Variants in UBE2Z observed in about 807,000 individuals in gnomAD.
UBE2Z encodes ubiquitin-conjugating enzyme E2 Z.
UBE2Z carries 10 observed loss-of-function variants against 32.6 expected under a neutral mutation model. The observed-to-expected ratio is 0.31, with a 90% confidence interval of 0.19 to 0.52. The LOEUF is 0.52. Ranked by LOEUF, UBE2Z falls within the 20% of genes least tolerant of loss-of-function variation. The pLI, the probability that UBE2Z is intolerant of heterozygous loss-of-function variation, is 0.97. For synonymous variants in UBE2Z, 183 were observed against 190.8 expected, an observed-to-expected ratio of 0.96 and a Z score of 0.34; for missense variants, 343 against 480.9, an observed-to-expected ratio of 0.71 and a Z score of 2.68.
At chr17:48,910,931 AG>A (rs1489835824) in intron 2 of UBE2Z, 51 bp downstream of exon 2, 21 of 1,436,144 alleles carry the variant, frequency 1.5e-5, no homozygotes, top group Non-Finnish European at 2.1e-5. Context: ...GGGGGCCATA[AG>A]GTTGCAAAAG....
In UBE2Z at chr17:48,928,171, C is replaced by T. The variant is rs939795734; in HGVS notation, c.*1037C>T. On this transcript the variant is annotated 3_prime_UTR_variant, in exon 7 of 7. Transcript: ENST00000360943. ...TTTGGGGAGCAAGGGTAGCCAATGG[C>T]AGAGGGGGTTGGGGCTGGGACTCTG... 2.6e-5 allele frequency: 4 copies of T among 152,194 alleles called. No individual in the cohort carries two copies. Among genetic ancestry groups the T allele is most frequent in the African/African-American group, 9.7e-5 (4 of 41,396 alleles). 9.4% of individuals were successfully genotyped at this position (152,194 alleles called of 1,614,324 possible). A position where few individuals can be genotyped will look rare whatever the true frequency, so the allele number is the denominator to read the frequency against.
rs370323738 is a variant in UBE2Z at position 48,927,136 on chromosome 17, C to T, written c.*2C>T. 1.3e-4 allele frequency: 208 copies of T among 1,613,386 alleles called. No individual in the cohort carries two copies. Among genetic ancestry groups the T allele is most frequent in the Non-Finnish European group, 1.7e-4 (195 of 1,179,706 alleles). The stretch of plus-strand genomic sequence containing the variant: ...CTTCATGGGAGCCTGAGGGTTTAGA[C>T]CCTGCTCCCATCTCCCCTTCCCCCA... On this transcript the variant is annotated 3_prime_UTR_variant, in exon 7 of 7. Coordinates refer to ENST00000360943, the MANE Select transcript of UBE2Z (RefSeq NM_023079.5).
chr17:48,917,155 A>G lies in UBE2Z; in HGVS notation c.690+968A>G, dbSNP rs534512406. On this transcript the variant is annotated intron_variant, in intron 4 of 6. Coordinates refer to ENST00000360943, the MANE Select transcript of UBE2Z (RefSeq NM_023079.5). The stretch of plus-strand genomic sequence containing the variant: ...CCCAGTCTGTACTAAAAATACAAAA[A>G]ATTAGCTGGGTGTGGTGGCAGGCGC... 3.5e-3 allele frequency among the ~76,000 whole-genome samples: 531 copies of G among 152,128 alleles called. 1 individual carries two copies. Among genetic ancestry groups the G allele is most frequent in the Middle Eastern group, 0.01 (3 of 294 alleles).
At chr17:48,914,889 C>T (rs978383359) in intron 3 of UBE2Z, among the ~76,000 whole-genome samples, 7 of 152,076 alleles carry the variant, frequency 4.6e-5, no homozygotes, top group Admixed American at 3.3e-4. Context: ...GGCATGGTGG[C>T]GCATGCCTCT....
intron 5 of UBE2Z, 68 bp from the exon 6 acceptor site, chr17:48,922,776 AAAG>A: frequency 7.9e-7 from 1 of 1,267,400 alleles, no homozygotes; most frequent in Non-Finnish European, 1.1e-6. Flanking sequence ...GAAAAAAAAA[AAAG>A]GTTAGGTAAG....
intron 1 of UBE2Z, among the ~76,000 whole-genome samples, chr17:48,909,405 T>A (rs1429647614): frequency 1.3e-5 from 2 of 152,060 alleles, no homozygotes; most frequent in East Asian, 3.9e-4. Flanking sequence ...CAATCTTTCC[T>A]TGAACCCCTT....
intron 1 of UBE2Z, 101 bp downstream of exon 1, chr17:48,908,921 G>C (rs1408077089): frequency 3.2e-6 from 3 of 945,106 alleles, no homozygotes; most frequent in East Asian, 8.2e-5. Flanking sequence ...CCACTGCGCT[G>C]CCCTCGCGGC....
rs777877098 is a variant in UBE2Z at position 48,922,826 on chromosome 17, A to G, written c.804-21A>G. 6.9e-6 allele frequency: 11 copies of G among 1,602,620 alleles called. No homozygotes were observed. The African/African-American group carries it at 1.1e-4, about 16-fold the overall frequency. ...CTGTACCCCTGGGTTTCTCACTTACACTTTTCTGCTTGTTTTCCAGAGGGG... is the reference window on the plus strand; with the variant it reads ...CTGTACCCCTGGGTTTCTCACTTACGCTTTTCTGCTTGTTTTCCAGAGGGG... On this transcript the variant is annotated intron_variant, in intron 5 of 6. Transcript: ENST00000360943.
intron 4 of UBE2Z, among the ~76,000 whole-genome samples, chr17:48,918,631 C>T (rs2040737236): frequency 6.6e-6 from 1 of 152,108 alleles, no homozygotes; most frequent in Admixed American, 6.6e-5. Context: ...CAGAGTCTGG[C>T]CTCAAAAGTT....
chr17:48,916,352 T>C (rs916707331), intron 4 of UBE2Z, among the ~76,000 whole-genome samples, 165 bp downstream of exon 4: 1 of 143,104 alleles, frequency 7.0e-6, no homozygotes, highest in Admixed American at 7.5e-5. Context: ...GCCTCCCGGG[T>C]TCAAGCCATT....
intron 4 of UBE2Z, among the ~76,000 whole-genome samples, chr17:48,916,415 G>T (rs1296144805): frequency 6.6e-6 from 1 of 151,876 alleles, no homozygotes; most frequent in Non-Finnish European, 1.5e-5. Context: ...ACCATGCCTG[G>T]CTAATTTTTA....
At chr17:48,908,908 C>G in intron 1 of UBE2Z, 88 bp downstream of exon 1, 2 of 1,042,586 alleles carry the variant, frequency 1.9e-6, no homozygotes, top group Non-Finnish European at 2.4e-6. Context: ...ACTCACCCCC[C>G]ACCCACTGCG....
chr17:48,915,107 G>C (rs757133506), intron 3 of UBE2Z, among the ~76,000 whole-genome samples: 18 of 151,904 alleles, frequency 1.2e-4, no homozygotes, highest in Non-Finnish European at 2.5e-4. Flanking sequence ...TCTTTACCTA[G>C]AAAACAATGT....
Position 48,915,855 on chromosome 17 carries a change from C to CTTT in UBE2Z, c.579-220_579-219insTTT. The CTTT allele has an allele frequency of 4.8e-6, 2 of 417,042 alleles. 1 individual carries two copies. Among genetic ancestry groups the CTTT allele is most frequent in the Non-Finnish European group, 8.2e-6 (2 of 243,534 alleles). 25.8% of individuals were successfully genotyped at this position (417,042 alleles called of 1,614,324 possible). A position where few individuals can be genotyped will look rare whatever the true frequency, so the allele number is the denominator to read the frequency against. Reference sequence around the variant, plus strand: ...TCAAAGTTACATAGCTTGCTATTACCTGTTCTTTTGCCCCCCCCCCTTGAT... The same window carrying CTTT: ...TCAAAGTTACATAGCTTGCTATTACCTTTTGTTCTTTTGCCCCCCCCCCTTGAT... On this transcript the variant is annotated intron_variant, in intron 3 of 6. Transcript: ENST00000360943.
intron 6 of UBE2Z, among the ~76,000 whole-genome samples, chr17:48,923,765 C>T (rs2040779637): frequency 6.7e-6 from 1 of 150,140 alleles, no homozygotes; most frequent in Non-Finnish European, 1.5e-5. Context: ...CAGGTTCTCA[C>T]TCTGTTACTC....
chr17:48,920,018 C>G (rs1420224451), intron 4 of UBE2Z, among the ~76,000 whole-genome samples: 2 of 151,182 alleles, frequency 1.3e-5, no homozygotes, highest in South Asian at 4.2e-4. Context: ...TTGTCTCTAC[C>G]GAAAAACTTT....
intron 3 of UBE2Z, among the ~76,000 whole-genome samples, chr17:48,915,412 A>T (rs551278147): frequency 6.6e-6 from 1 of 152,312 alleles, no homozygotes; most frequent in Admixed American, 6.5e-5. Context: ...TGTCATTAAC[A>T]TCCAAGCTGT....
Position 48,921,337 on chromosome 17 carries a change from C to T in UBE2Z, c.803+65C>T. 5 of 1,264,004 alleles carry T rather than the reference C, an allele frequency of 4.0e-6. No individual in the cohort carries two copies. The South Asian group carries it at 5.1e-5, about 13-fold the overall frequency. 78.3% of individuals were successfully genotyped at this position (1,264,004 alleles called of 1,614,324 possible). On this transcript the variant is annotated intron_variant, in intron 5 of 6. Coordinates refer to ENST00000360943, the MANE Select transcript of UBE2Z (RefSeq NM_023079.5). ...ATTTGGGTAGTTGGCATCTTTGGGG[C>T]AGAGTACAGTGTTGGGTACCAGAGG...
At chr17:48,922,695 AG>A (rs1404655314) in intron 5 of UBE2Z, among the ~76,000 whole-genome samples, 151 bp from the exon 6 acceptor site, 1 of 151,814 alleles carries the variant, frequency 6.6e-6, no homozygotes, top group African/African-American at 2.4e-5. Context: ...TGAATCCGGG[AG>A]GCAGAGGTCA....
Sources: allele counts gnomAD v4.1 joint callset (sites outside exome capture counted in the v4.1 genomes callset), GRCh38; gene constraint gnomAD v4.1.1; transcripts MANE v1.5; gene names NCBI Gene and HGNC (gene_info 2026-07-23, HGNC 2026-07-21).